Variants in CACNG2 observed in about 807,000 individuals in gnomAD.
The protein encoded by CACNG2 is calcium voltage-gated channel auxiliary subunit gamma 2.
CACNG2 carries 3 observed loss-of-function variants against 25.9 expected under a neutral mutation model. The ratio of observed to expected loss-of-function variants is 0.12; its 90% confidence interval spans 0.05 to 0.30. The LOEUF (loss-of-function observed/expected upper bound fraction) is 0.30. Among genes scored for constraint, CACNG2 ranks in the 10% least tolerant of loss-of-function variants. CACNG2 has a pLI of 1.00. For missense variants in CACNG2, 341 were observed against 432.5 expected (o/e 0.79, Z 1.88); for synonymous variants, 167 against 173.3 (o/e 0.96, Z 0.29).
intron 1 of CACNG2, among the ~76,000 whole-genome samples, chr22:36,633,459 C>G (rs1182662361): frequency 6.6e-6 from 1 of 152,186 alleles, no homozygotes; most frequent in Non-Finnish European, 1.5e-5. Flanking sequence ...ACCTCTGGAT[C>G]CATAACACAG....
At chr22:36,618,899 G>A (rs146681296) in intron 1 of CACNG2, among the ~76,000 whole-genome samples, 36 of 86,090 alleles carry the variant, frequency 4.2e-4, no homozygotes, top group African/African-American at 1.3e-3. Flanking sequence ...CAGCCTAGGC[G>A]ACAGAGCGAG....
At chr22:36,599,483 T>C (rs1279035934) in intron 1 of CACNG2, among the ~76,000 whole-genome samples, 1 of 152,186 alleles carries the variant, frequency 6.6e-6, no homozygotes, top group Non-Finnish European at 1.5e-5. Flanking sequence ...GAGGATCGCA[T>C]GAGCCCAGGA....
chr22:36,564,716 C>A lies in CACNG2; in HGVS notation c.607G>T (p.Asp203Tyr), dbSNP rs752802266. ...VGVLAVHMFIDRHKQLRATAR... is the reference protein window; with the variant it reads ...VGVLAVHMFIYRHKQLRATAR... ...GTGGCCCGCAGCTGTTTGTGCCGGT[C>A]GATAAACATGTGCACCGCCAGCACC... Residue 203 changes from aspartate to tyrosine, a missense_variant, in exon 4 of 4, where the codon GAC becomes TAC. Asp to Tyr is a radical substitution (Grantham distance 160, BLOSUM62 -3). Coordinates refer to ENST00000300105, the MANE Select transcript of CACNG2 (RefSeq NM_006078.5). The surrounding 1 kb of genome is among the most constrained non-coding windows in gnomAD (Gnocchi z 6.7). 2.5e-6 allele frequency: 4 copies of A among 1,614,106 alleles called. No individual in the cohort carries two copies. The highest frequency in any genetic ancestry group is 1.7e-5 in the Admixed American group (1 of 60,024).
At chr22:36,657,800 T>G (rs1439546928) in intron 1 of CACNG2, among the ~76,000 whole-genome samples, 2 of 151,982 alleles carry the variant, frequency 1.3e-5, no homozygotes, top group Admixed American at 1.3e-4. Flanking sequence ...AGTGGAGGCT[T>G]GTAGTTCCAG....
intron 1 of CACNG2, among the ~76,000 whole-genome samples, chr22:36,696,697 C>G (rs1937346521): frequency 6.6e-6 from 1 of 152,116 alleles, no homozygotes; most frequent in African/African-American, 2.4e-5. Flanking sequence ...GTGGTAAGTA[C>G]TCTGTAAAAA....
In CACNG2 at chr22:36,562,197, GGT is replaced by G. The variant is rs142179335; in HGVS notation, c.*2152_*2153del. 6.7e-3 allele frequency: 1,014 copies of G among 151,128 alleles called. 18 individuals carry two copies. The highest frequency in any genetic ancestry group is 0.021 in the African/African-American group (849 of 41,176). 9.4% of individuals were successfully genotyped at this position (151,128 alleles called of 1,614,324 possible). A position where few individuals can be genotyped will look rare whatever the true frequency, so the allele number is the denominator to read the frequency against. On this transcript the variant is annotated 3_prime_UTR_variant, in exon 4 of 4. Transcript: ENST00000300105. ...CGGGGAGCACAGTGAGGAGGTATAT[GGT>G]GTGTGTGTGTGTGTGTGTCTGAGAG...
At chr22:36,581,941 A>G (rs1243528596) in intron 2 of CACNG2, among the ~76,000 whole-genome samples, 1 of 152,086 alleles carries the variant, frequency 6.6e-6, no homozygotes, top group Non-Finnish European at 1.5e-5. Context: ...TTGTTCCCCC[A>G]TGGGCACGGC....
intron 1 of CACNG2, among the ~76,000 whole-genome samples, chr22:36,643,146 C>T (rs1205058361): frequency 6.7e-6 from 1 of 149,078 alleles, no homozygotes; most frequent in Non-Finnish European, 1.5e-5. Flanking sequence ...CTCTCTCCTT[C>T]TTTCCTTTTT....
chr22:36,676,914 T>C (rs1261621923), intron 1 of CACNG2, among the ~76,000 whole-genome samples: 1 of 145,334 alleles, frequency 6.9e-6, no homozygotes, highest in African/African-American at 2.5e-5. Context: ...CTTGCCTCTC[T>C]TTCTGCTTCT....
chr22:36,581,605 CCA>C (rs1461638954), intron 2 of CACNG2, among the ~76,000 whole-genome samples: 2 of 152,128 alleles, frequency 1.3e-5, no homozygotes, highest in Non-Finnish European at 2.9e-5. Context: ...GGGAGTTACC[CCA>C]GACACCTCAT....
intron 1 of CACNG2, among the ~76,000 whole-genome samples, chr22:36,645,523 C>A (rs3884733): frequency 1.5e-5 from 2 of 135,162 alleles, no homozygotes; most frequent in African/African-American, 5.5e-5. Flanking sequence ...GGCGACAGAG[C>A]AAGACTCTGT....
rs894394946 is a variant in CACNG2, at chr22:36,583,919, C to T, written c.295+3546G>A. On this transcript the variant is annotated intron_variant, in intron 2 of 3. Transcript: ENST00000300105. ...CCCACTCCACCCCTGCACTGGGCTC[C>T]TGCAAGACCAGCTACCCCTCTGATC... Among the ~76,000 whole-genome samples the T allele has an allele frequency of 2.6e-5, 4 of 152,228 alleles. No individual in the cohort carries two copies. In the East Asian group the frequency reaches 7.7e-4, roughly 29 times the overall value.
intron 1 of CACNG2, among the ~76,000 whole-genome samples, chr22:36,595,392 C>T (rs758626941): frequency 1.3e-5 from 2 of 152,164 alleles, no homozygotes; most frequent in South Asian, 2.1e-4. Flanking sequence ...TGAAATCAGC[C>T]GTGGTAGGTG....
chr22:36,645,764 C>A (rs1936513969), intron 1 of CACNG2, among the ~76,000 whole-genome samples: 1 of 152,136 alleles, frequency 6.6e-6, no homozygotes, highest in Non-Finnish European at 1.5e-5. Flanking sequence ...ATGGGAAATG[C>A]ACATAAAGGG....
chr22:36,643,332 C>G (rs1038439049), intron 1 of CACNG2, among the ~76,000 whole-genome samples: 1 of 151,662 alleles, frequency 6.6e-6, no homozygotes, highest in African/African-American at 2.4e-5. Context: ...TTCTCTGTCT[C>G]TCTCTCTCCA....
At chr22:36,647,598 A>G (rs992606339) in intron 1 of CACNG2, among the ~76,000 whole-genome samples, 9 of 148,294 alleles carry the variant, frequency 6.1e-5, no homozygotes, top group African/African-American at 2.2e-4. Context: ...CTCCATATCA[A>G]AAAAAAAATG....
chr22:36,666,637 G>T (rs1445090880), intron 1 of CACNG2, among the ~76,000 whole-genome samples: 2 of 151,918 alleles, frequency 1.3e-5, no homozygotes, highest in Non-Finnish European at 2.9e-5. Flanking sequence ...TAATGCCACA[G>T]GACTCTACAC....
chr22:36,679,660 G>A (rs1453903558), intron 1 of CACNG2, among the ~76,000 whole-genome samples: 3 of 152,102 alleles, frequency 2.0e-5, no homozygotes, highest in Non-Finnish European at 4.4e-5. Flanking sequence ...CCTTGCTCTC[G>A]TTTTTGTAAC....
Position 36,564,175 on chromosome 22 carries a change from T to C in CACNG2, c.*176A>G, listed in dbSNP as rs5995309. 0.036 allele frequency: 17,695 copies of C among 487,418 alleles called. 580 individuals carry two copies. Among genetic ancestry groups the C allele is most frequent in the Admixed American group, 0.11 (2,676 of 24,058 alleles). The allele number at this position is 487,418 out of a possible 1,614,324, so 30.2% of individuals were successfully genotyped here. A position where few individuals can be genotyped will look rare whatever the true frequency, so the allele number is the denominator to read the frequency against. ...TCTTTTTTTTAAAATTTACTTGTTA[T>C]GTTTTTTCTCTTTTTTTGTGTGTGT... On this transcript the variant is annotated 3_prime_UTR_variant, in exon 4 of 4. Transcript: ENST00000300105. This position sits in a 1 kb window ranked among gnomAD's most constrained non-coding sequence, Gnocchi z 6.7.
Sources: gnomAD v4.1 joint callset for allele counts (sites outside exome capture counted in the v4.1 genomes callset) on GRCh38, gnomAD v4.1.1 for gene constraint, Gnocchi (gnomAD v3.1) non-coding constraint, MANE v1.5 for transcripts, NCBI Gene and HGNC (gene_info 2026-07-23, HGNC 2026-07-21) for gene names.